The following ANKRD11 variants were observed in gnomAD, a reference collection of about 807,000 sequenced individuals.
ANKRD11 encodes ankyrin repeat domain-containing protein 11.
A neutral mutation model predicts 195.7 loss-of-function variants in ANKRD11; 17 were observed. The ratio of observed to expected loss-of-function variants is 0.09; its 90% confidence interval spans 0.06 to 0.13. The LOEUF (loss-of-function observed/expected upper bound fraction) is 0.13. Among genes scored for constraint, ANKRD11 ranks in the 10% least tolerant of loss-of-function variants. The pLI is 1.00. For synonymous variants in ANKRD11, 1,953 were observed against 1,528.1 expected (o/e 1.28, Z -6.49); for missense variants, 3,735 against 3,566.1 (o/e 1.05, Z -1.21).
intron 1 of ANKRD11, among the ~76,000 whole-genome samples, chr16:89,464,233 C>T (rs2056803961): frequency 6.6e-6 from 1 of 150,542 alleles, no homozygotes; most frequent in Admixed American, 6.6e-5. Context: ...AACGAGACTC[C>T]ATCTCAAAAG....
rs986912150 is a variant in ANKRD11 at position 89,439,009 on chromosome 16, AAAAC to A, written c.-144-20645_-144-20642del. On this transcript the variant is annotated intron_variant, in intron 1 of 12. Coordinates refer to ENST00000301030, the MANE Select transcript of ANKRD11 (RefSeq NM_013275.6). Reference sequence around the variant, plus strand: ...CCTGCCTCAAACAAAAACAGAAACAAAAACAAACAAAAATTTTAACCTTTCTCTT... The same window carrying A: ...CCTGCCTCAAACAAAAACAGAAACAAAAACAAAAATTTTAACCTTTCTCTT... Among the ~76,000 whole-genome samples, 5 of 152,142 alleles carry A rather than the reference AAAAC, an allele frequency of 3.3e-5. No homozygotes were observed. In the South Asian group the frequency reaches 6.2e-4, roughly 19 times the overall value.
At position 89,435,796 on chromosome 16, in the gene ANKRD11, TCACACACACA is replaced by T. The variant is rs58503159; in HGVS notation, c.-144-17438_-144-17429del. Reference sequence around the variant, plus strand: ...TGACGCACCCACAGCCACCAGCTCTTCACACACACACACACACACACACACACACACACAC... The same window carrying T: ...TGACGCACCCACAGCCACCAGCTCTTCACACACACACACACACACACACAC... On this transcript the variant is annotated intron_variant, in intron 1 of 12. Transcript: ENST00000301030. 2.2e-4 allele frequency among the ~76,000 whole-genome samples: 32 copies of T among 143,110 alleles called. No homozygotes were observed. In the Middle Eastern group the frequency reaches 0.01, roughly 47 times the overall value. The allele number at this position is 143,110 out of a possible 152,430, so 93.9% of individuals were successfully genotyped here.
chr16:89,338,928 C>A (rs775472984), intron 2 of ANKRD11, among the ~76,000 whole-genome samples: 1 of 151,994 alleles, frequency 6.6e-6, no homozygotes, highest in Non-Finnish European at 1.5e-5. Flanking sequence ...GATATAAATG[C>A]GTAATTTAAA....
intron 2 of ANKRD11, among the ~76,000 whole-genome samples, chr16:89,364,067 A>AACACACACAC (rs58145428): frequency 6.6e-6 from 1 of 150,426 alleles, no homozygotes; most frequent in African/African-American, 2.4e-5. Context: ...GCTGATTTAA[A>AACACACACAC]ACACACACAC....
intron 1 of ANKRD11, among the ~76,000 whole-genome samples, chr16:89,470,702 G>A (rs760037473): frequency 9.9e-5 from 15 of 152,092 alleles, no homozygotes; most frequent in East Asian, 3.9e-4. Context: ...AAAATTAGCC[G>A]GGCGTGGCCG....
intron 1 of ANKRD11, among the ~76,000 whole-genome samples, chr16:89,462,223 G>A (rs1299808479): frequency 6.6e-6 from 1 of 152,212 alleles, no homozygotes; most frequent in Non-Finnish European, 1.5e-5. Flanking sequence ...GCGATTGCAG[G>A]CTCACGCCGC....
At position 89,401,482 on chromosome 16, in the gene ANKRD11, T is replaced by A. The variant is rs532912443; in HGVS notation, c.-60+16802A>T. 2.7e-4 allele frequency among the ~76,000 whole-genome samples: 41 copies of A among 152,322 alleles called. No individual in the cohort carries two copies. The South Asian group carries it at 7.2e-3, about 27-fold the overall frequency. ...ATGTGAAGCCTTATATCCAGAGTAA[T>A]CCTTATTTTGTAAAAAGTACATGAT... On this transcript the variant is annotated intron_variant, in intron 2 of 12. Coordinates refer to ENST00000301030, the MANE Select transcript of ANKRD11 (RefSeq NM_013275.6).
intron 2 of ANKRD11, among the ~76,000 whole-genome samples, chr16:89,325,625 G>C (rs2037667592): frequency 6.6e-6 from 1 of 152,264 alleles, no homozygotes; most frequent in African/African-American, 2.4e-5. Context: ...CTGCCTGGCG[G>C]ATGGAATTGG....
chr16:89,339,116 C>G (rs1225192554), intron 2 of ANKRD11, among the ~76,000 whole-genome samples: 1 of 152,150 alleles, frequency 6.6e-6, no homozygotes, highest in South Asian at 2.1e-4. Context: ...CCCAGGATCC[C>G]TGTAATTATA....
At chr16:89,423,925 C>G (rs965817687) in intron 1 of ANKRD11, among the ~76,000 whole-genome samples, 16 of 152,096 alleles carry the variant, frequency 1.1e-4, no homozygotes, top group African/African-American at 3.9e-4. Flanking sequence ...ATTGGGAAAT[C>G]AAAACTTAAG....
chr16:89,462,588 G>A (rs527809781), intron 1 of ANKRD11, among the ~76,000 whole-genome samples: 6 of 150,560 alleles, frequency 4.0e-5, no homozygotes, highest in South Asian at 2.1e-4. Flanking sequence ...AGTGAGGAGC[G>A]TCTCCGCCCA....
intron 6 of ANKRD11, chr16:89,288,871 C>G (rs770571728): frequency 1.5e-6 from 1 of 654,788 alleles, no homozygotes; most frequent in African/African-American, 1.8e-5. Context: ...CTCGTTAGCA[C>G]GATCCATATC....
At chr16:89,481,546 G>C (rs778482992) in intron 1 of ANKRD11, among the ~76,000 whole-genome samples, 11 of 152,176 alleles carry the variant, frequency 7.2e-5, no homozygotes, top group African/African-American at 2.4e-4. Context: ...GACAGAGCAA[G>C]ACCTTGTCTC....
At chr16:89,430,132 A>G (rs559197142) in intron 1 of ANKRD11, among the ~76,000 whole-genome samples, 1 of 118,518 alleles carries the variant, frequency 8.4e-6, no homozygotes, top group African/African-American at 3.3e-5. Context: ...TCTAGTACAC[A>G]GCAGGGACTC....
chr16:89,489,933 C>G (rs2057763046), intron 1 of ANKRD11, among the ~76,000 whole-genome samples: 2 of 142,782 alleles, frequency 1.4e-5, no homozygotes, highest in Non-Finnish European at 3.1e-5. Flanking sequence ...CCCCTTACGG[C>G]CGACCCAAGC....
At chr16:89,361,240 C>T (rs1351140487) in intron 2 of ANKRD11, among the ~76,000 whole-genome samples, 4 of 152,218 alleles carry the variant, frequency 2.6e-5, no homozygotes, top group Non-Finnish European at 5.9e-5. Flanking sequence ...CCTTCTTCCT[C>T]CCGCAGAGGG....
intron 1 of ANKRD11, among the ~76,000 whole-genome samples, chr16:89,423,593 C>A (rs921143467): frequency 6.6e-6 from 1 of 152,230 alleles, no homozygotes; most frequent in Non-Finnish European, 1.5e-5. Context: ...GTGCCTGCAG[C>A]AGCAGGCACT....
chr16:89,362,447 T>C (rs1309176642), intron 2 of ANKRD11, among the ~76,000 whole-genome samples: 1 of 152,082 alleles, frequency 6.6e-6, no homozygotes, highest in Admixed American at 6.5e-5. Context: ...CAGAATGAAG[T>C]GAACAGCACT....
chr16:89,388,742 C>T (rs151238400), intron 2 of ANKRD11, among the ~76,000 whole-genome samples: 1,565 of 152,302 alleles, frequency 0.01, 34 homozygotes, highest in African/African-American at 0.036. Flanking sequence ...CGGGCTCACA[C>T]AGGTCTGGAA....
Sources: gnomAD v4.1 joint callset for allele counts (sites outside exome capture counted in the v4.1 genomes callset) on GRCh38, gnomAD v4.1.1 for gene constraint, MANE v1.5 for transcripts, NCBI Gene and HGNC (gene_info 2026-07-23, HGNC 2026-07-21) for gene names.